DNAJB6: variants seen among roughly 807,000 people sequenced by gnomAD.
DNAJB6 encodes dnaJ homolog subfamily B member 6.
A neutral mutation model predicts 42.7 loss-of-function variants in DNAJB6; 16 were observed. The observed-to-expected ratio is 0.37, with a 90% confidence interval of 0.25 to 0.57. The LOEUF is 0.57. DNAJB6 is among the 20% of genes least tolerant of loss of function. DNAJB6 has a pLI of 0.74. For missense variants in DNAJB6, 347 were observed against 416.8 expected (o/e 0.83, Z 1.46); for synonymous variants, 170 against 163.5 (o/e 1.04, Z -0.30).
intron 1 of DNAJB6, among the ~76,000 whole-genome samples, chr7:157,353,965 G>A (rs1281852658): frequency 1.3e-5 from 2 of 151,646 alleles, no homozygotes; most frequent in Non-Finnish European, 2.9e-5. Context: ...CGCCTGGCCT[G>A]AGTCTGTGAT....
rs114423054 is a variant in DNAJB6 at position 157,339,207 on chromosome 7, G to A, written c.-27+2063G>A. On this transcript the variant is annotated intron_variant, in intron 1 of 9. Transcript: ENST00000262177. Reference sequence around the variant, plus strand: ...AACTCTGTTTTGGACAGTGGTACCCGTCACCCTCATCAGTCTTCAACCTAG... The same window carrying A: ...AACTCTGTTTTGGACAGTGGTACCCATCACCCTCATCAGTCTTCAACCTAG... Among the ~76,000 whole-genome samples the A allele has an allele frequency of 3.3e-3, 496 of 148,672 alleles. 3 individuals are homozygous for A. The highest frequency in any genetic ancestry group is 0.012 in the African/African-American group (473 of 40,400).
intron 2 of DNAJB6, among the ~76,000 whole-genome samples, chr7:157,361,941 T>G (rs1480606174): frequency 6.6e-6 from 1 of 152,146 alleles, no homozygotes; most frequent in Non-Finnish European, 1.5e-5. Flanking sequence ...GCTTTTTGTA[T>G]TTTTAGTAGA....
intron 1 of DNAJB6, among the ~76,000 whole-genome samples, chr7:157,344,367 G>C (rs187726682): frequency 6.6e-6 from 1 of 151,310 alleles, no homozygotes; most frequent in Non-Finnish European, 1.5e-5. Context: ...AAAAAAAATA[G>C]CCAGGCATTG....
chr7:157,357,005 CAA>C (rs1175573918), intron 1 of DNAJB6, among the ~76,000 whole-genome samples: 1 of 150,698 alleles, frequency 6.6e-6, no homozygotes, highest in Non-Finnish European at 1.5e-5. Flanking sequence ...TCCATAAAAA[CAA>C]GAGTTTTAGG....
chr7:157,369,422 G>A (rs1314794135), intron 5 of DNAJB6: 8 of 456,464 alleles, frequency 1.8e-5, no homozygotes, highest in African/African-American at 1.0e-4. Context: ...GTGACCAAGC[G>A]AGGAAGAAGG....
chr7:157,354,846 AT>A (rs1389264283), intron 1 of DNAJB6, among the ~76,000 whole-genome samples: 1 of 152,186 alleles, frequency 6.6e-6, no homozygotes, highest in Non-Finnish European at 1.5e-5. Context: ...GAAGGTGAAC[AT>A]TTCACAGGCA....
chr7:157,354,461 T>A (rs979862772), intron 1 of DNAJB6, among the ~76,000 whole-genome samples: 3 of 125,358 alleles, frequency 2.4e-5, no homozygotes, highest in African/African-American at 7.6e-5. Flanking sequence ...ATTTTTAGTT[T>A]TAATTTTTTT....
At chr7:157,392,854 A>T (rs1801413381) in intron 8 of DNAJB6, among the ~76,000 whole-genome samples, 1 of 152,204 alleles carries the variant, frequency 6.6e-6, no homozygotes, top group Non-Finnish European at 1.5e-5. Flanking sequence ...GTATCACTAC[A>T]TGAAGCTGGG....
chr7:157,372,055 C>A (rs190521743), intron 5 of DNAJB6: 4 of 152,372 alleles, frequency 2.6e-5, no homozygotes, highest in Admixed American at 1.3e-4. Flanking sequence ...AAGCAGACTT[C>A]TTGCAGGAAA....
chr7:157,397,485 G>T (rs994922570), intron 8 of DNAJB6, among the ~76,000 whole-genome samples: 7 of 152,216 alleles, frequency 4.6e-5, no homozygotes, highest in Non-Finnish European at 1.5e-5. Context: ...TTGGCCTTTT[G>T]TTGGCGGGGT....
At chr7:157,351,259 G>A (rs921894839) in intron 1 of DNAJB6, among the ~76,000 whole-genome samples, 2 of 152,066 alleles carry the variant, frequency 1.3e-5, no homozygotes, top group Non-Finnish European at 2.9e-5. Flanking sequence ...TGAAAAGAAT[G>A]TTAAAGGTCA....
At chr7:157,391,578 G>T (rs1464424487) in intron 8 of DNAJB6, among the ~76,000 whole-genome samples, 1 of 152,224 alleles carries the variant, frequency 6.6e-6, no homozygotes, top group African/African-American at 2.4e-5. Context: ...CAGCATGAGT[G>T]GTCTATCTAG....
At chr7:157,379,704 T>G (rs1274818504) in intron 5 of DNAJB6, 1 of 152,410 alleles carries the variant, frequency 6.6e-6, no homozygotes, top group East Asian at 1.9e-4. Flanking sequence ...AGGTTGGTCT[T>G]GAACCCCTGA....
intron 1 of DNAJB6, among the ~76,000 whole-genome samples, chr7:157,349,079 GTGT>G (rs1798839078): frequency 6.6e-6 from 1 of 150,450 alleles, no homozygotes; most frequent in African/African-American, 2.5e-5. Flanking sequence ...AGGGCTTGCT[GTGT>G]TGTTGCTCAC....
chr7:157,356,552 T>G (rs1799288054), intron 1 of DNAJB6, among the ~76,000 whole-genome samples: 1 of 152,234 alleles, frequency 6.6e-6, no homozygotes, highest in African/African-American at 2.4e-5. Flanking sequence ...GTTCCTTACC[T>G]TGTAACTTAT....
chr7:157,403,015 C>G (rs898110333), intron 8 of DNAJB6, among the ~76,000 whole-genome samples: 1 of 152,104 alleles, frequency 6.6e-6, no homozygotes, highest in Non-Finnish European at 1.5e-5. Flanking sequence ...GACAGGTGCC[C>G]GAGGTGGTCG....
intron 1 of DNAJB6, among the ~76,000 whole-genome samples, chr7:157,346,492 T>C (rs544773036): frequency 1.3e-5 from 2 of 152,322 alleles, no homozygotes; most frequent in South Asian, 4.1e-4. Context: ...TTCAGGCTGC[T>C]TTATCATCTA....
At chr7:157,341,215 C>G (rs1439184508) in intron 1 of DNAJB6, among the ~76,000 whole-genome samples, 1 of 152,126 alleles carries the variant, frequency 6.6e-6, no homozygotes, top group African/African-American at 2.4e-5. Context: ...ACCTCTGCCG[C>G]ACGGGTTCAA....
intron 1 of DNAJB6, among the ~76,000 whole-genome samples, chr7:157,343,674 C>G (rs1200312591): frequency 2.0e-5 from 3 of 151,976 alleles, no homozygotes; most frequent in Non-Finnish European, 4.4e-5. Flanking sequence ...TTCTCAAACT[C>G]CTGACCCCAG....
Sources: allele counts gnomAD v4.1 joint callset (sites outside exome capture counted in the v4.1 genomes callset), GRCh38; gene constraint gnomAD v4.1.1; transcripts MANE v1.5; gene names NCBI Gene and HGNC (gene_info 2026-07-23, HGNC 2026-07-21).